SLC26A3: variants seen among roughly 807,000 people sequenced by gnomAD.
The protein encoded by SLC26A3 is solute carrier family 26 member 3, also known as chloride anion exchanger.
In SLC26A3, 64 loss-of-function variants were observed where a neutral mutation model predicts 85.6. The ratio of observed to expected loss-of-function variants is 0.75; its 90% confidence interval spans 0.61 to 0.92. SLC26A3 has a LOEUF of 0.92. Ranked by LOEUF, SLC26A3 falls within the 40% of genes least tolerant of loss-of-function variation. SLC26A3 has a pLI of 0.00. For missense variants in SLC26A3, 922 were observed against 927.3 expected, an observed-to-expected ratio of 0.99 and a Z score of 0.07; for synonymous variants, 349 against 336.0, an observed-to-expected ratio of 1.04 and a Z score of -0.42.
At chr7:107,778,360 C>CAATTTTTTT in intron 12 of SLC26A3, 79 bp from the exon 13 acceptor site, 1 of 461,452 alleles carries the variant, frequency 2.2e-6, no homozygotes, top group Non-Finnish European at 3.7e-6. Context: ...TTTAAAAAGA[C>CAATTTTTTT]TTTTTTTTTT....
intron 11 of SLC26A3, among the ~76,000 whole-genome samples, chr7:107,781,810 C>T (rs756154544): frequency 6.6e-6 from 1 of 152,144 alleles, no homozygotes; most frequent in South Asian, 2.1e-4. Context: ...GCCTAGGTAA[C>T]AGCCAATAGA....
chr7:107,794,334 T>C, intron 2 of SLC26A3, 45 bp downstream of exon 2: 1 of 1,609,484 alleles, frequency 6.2e-7, no homozygotes, highest in Non-Finnish European at 8.5e-7. Context: ...GGGAAAGTGC[T>C]TCAAAAATGT....
At chr7:107,780,020 G>C (rs1245490854) in intron 11 of SLC26A3, among the ~76,000 whole-genome samples, 1 of 151,966 alleles carries the variant, frequency 6.6e-6, no homozygotes, top group Admixed American at 6.6e-5. Context: ...TGATCTGATG[G>C]CGTTTAGTAG....
intron 13 of SLC26A3, among the ~76,000 whole-genome samples, chr7:107,777,624 A>T (rs1312908178): frequency 1.3e-5 from 2 of 152,186 alleles, no homozygotes; most frequent in Non-Finnish European, 2.9e-5. Flanking sequence ...AATAAAAATT[A>T]AAAAGATGCT....
At chr7:107,778,051 C>G (rs370040516) in intron 13 of SLC26A3, 124 bp downstream of exon 13, 2 of 732,202 alleles carry the variant, frequency 2.7e-6, no homozygotes, top group African/African-American at 3.5e-5. Flanking sequence ...ATAAACTGCC[C>G]CATCCTGATA....
rs1375336152 is a variant in SLC26A3, at chr7:107,789,612, G to A, written c.647C>T (p.Ala216Val). The A allele has an allele frequency of 3.7e-6, 6 of 1,613,682 alleles. No homozygotes were observed. Among genetic ancestry groups the A allele is most frequent in the Admixed American group, 1.7e-5 (1 of 59,982 alleles). ...SESLISGFTT[A>V]AAVHVLVSQL... is the part of the protein sequence containing the mutation. ...GGAAACCAAAACATGAACAGCAGCA[G>A]CAGTAGTGAAGCCACTGATGAGGGA... Residue 216 changes from alanine to valine, a missense_variant, in exon 6 of 21, where the codon GCT (alanine) becomes GTT (valine). Physicochemically the swap from Ala to Val is moderately conservative, Grantham distance 64. Transcript: ENST00000340010.
In SLC26A3 at chr7:107,772,097, T is replaced by C. The variant is rs778961592; in HGVS notation, c.2019A>G (p.Glu673=). The change falls in exon 18 of 21, where the codon GAA becomes GAG. Residue 673 remains glutamate (E), a synonymous_variant. Transcript: ENST00000340010. ...ACACATCTACCTTGATCCTGATAAATTCTTGCAAAATCTGTTAAAAAGAAA... is the reference window on the plus strand; with the variant it reads ...ACACATCTACCTTGATCCTGATAAACTCTTGCAAAATCTGTTAAAAAGAAA... ...SVRGLKSILQ[E]FIRIKVDVYI... 8.1e-6 allele frequency: 13 copies of C among 1,609,204 alleles called. No individual in the cohort carries two copies. Among genetic ancestry groups the C allele is most frequent in the Non-Finnish European group, 1.0e-5 (12 of 1,175,626 alleles).
chr7:107,773,773 A>C, intron 17 of SLC26A3, 147 bp downstream of exon 17: 4 of 684,680 alleles, frequency 5.8e-6, no homozygotes, highest in Non-Finnish European at 7.8e-6. Flanking sequence ...CTGGTCTCGA[A>C]GTCCTGACCT....
At position 107,778,282 on chromosome 7, in the gene SLC26A3, CTG is replaced by C. The variant is rs530484848; in HGVS notation, c.1408-3_1408-2del. On this transcript the variant is annotated splice_acceptor_variant and splice_polypyrimidine_tract_variant and intron_variant, in intron 12 of 20. Transcript: ENST00000340010. LOFTEE classifies it high-confidence loss of function. The stretch of plus-strand genomic sequence containing the variant: ...AGATGAAGGTCATGATCCAAATTAA[CTG>C]TGAAAAGAAAGCAACACATACACTA... 9.4e-6 allele frequency: 15 copies of C among 1,598,054 alleles called. No homozygotes were observed. The African/African-American group carries it at 1.5e-4, about 16-fold the overall frequency.
chr7:107,767,557 T>C, intron 20 of SLC26A3, 22 bp downstream of exon 20: 1 of 1,568,862 alleles, frequency 6.4e-7, no homozygotes, highest in Non-Finnish European at 8.8e-7. Context: ...TAGGTGAAGA[T>C]AAACCTGTTG....
intron 6 of SLC26A3, among the ~76,000 whole-genome samples, chr7:107,787,812 A>C (rs1339127977): frequency 6.6e-6 from 1 of 151,536 alleles, no homozygotes; most frequent in Non-Finnish European, 1.5e-5. Flanking sequence ...CATTTTTACC[A>C]CTGGTCTTCT....
intron 18 of SLC26A3, among the ~76,000 whole-genome samples, chr7:107,770,113 T>C (rs1259751195): frequency 6.8e-6 from 1 of 146,436 alleles, no homozygotes; most frequent in African/African-American, 2.5e-5. Context: ...TCTTTCTTCT[T>C]TCTTCTTTCT....
Position 107,776,686 on chromosome 7 carries a change from G to C in SLC26A3, c.1535C>G (p.Ala512Gly). 1 of 1,613,660 alleles carries C rather than the reference G, an allele frequency of 6.2e-7. No individual in the cohort carries two copies. The highest frequency in any genetic ancestry group is 8.5e-7 in the Non-Finnish European group (1 of 1,179,884). The change falls in exon 14 of 21, where the codon GCT (alanine) becomes GGT (glycine). Residue 512 changes from alanine to glycine, a missense_variant. Ala to Gly is a moderately conservative substitution (Grantham distance 60). Transcript: ENST00000340010. ...ATAGATGTTGGTTCTTCCAATATTA[G>C]CCAGCGTGCTGCATTTTGGACTGTA... Reference protein sequence around the residue: ...RTQFPKCSTLANIGRTNIYKN... With the variant: ...RTQFPKCSTLGNIGRTNIYKN...
chr7:107,779,911 C>A, intron 11 of SLC26A3, 148 bp from the exon 12 acceptor site: 1 of 704,902 alleles, frequency 1.4e-6, no homozygotes, highest in Non-Finnish European at 2.5e-6. Flanking sequence ...CGATGCCACG[C>A]AAGACACACC....
chr7:107,784,234 A>G (rs889241468), intron 8 of SLC26A3, among the ~76,000 whole-genome samples: 5 of 152,208 alleles, frequency 3.3e-5, no homozygotes, highest in African/African-American at 4.8e-5. Context: ...GTACTATTAT[A>G]TCTGATGCCA....
Position 107,782,997 on chromosome 7 carries a change from T to C in SLC26A3, c.1216A>G (p.Thr406Ala). The change falls in exon 10 of 21, where the codon ACA becomes GCA. Residue 406 changes from threonine (T) to alanine (A), a missense_variant. By Grantham distance (58) the Thr-to-Ala change is moderately conservative. Transcript: ENST00000340010. ...ALSRSAVQES[T>A]GGKTQIAGLI... ...TGACATACCTGTGTTTTGCCTCCTGTGCTCTCCTGAACTGCTGATCTGGAG... is the reference window on the plus strand; with the variant it reads ...TGACATACCTGTGTTTTGCCTCCTGCGCTCTCCTGAACTGCTGATCTGGAG... 6.2e-7 allele frequency: 1 copy of C among 1,614,108 alleles called. No homozygotes were observed. Among genetic ancestry groups the C allele is most frequent in the Non-Finnish European group, 8.5e-7 (1 of 1,179,944 alleles).
rs765626129 is a variant in SLC26A3, at chr7:107,783,299, T to G, written c.1025A>C (p.Asp342Ala). 6.2e-7 allele frequency: 1 copy of G among 1,614,122 alleles called. No individual in the cohort carries two copies. The highest frequency in any genetic ancestry group is 8.5e-7 in the Non-Finnish European group (1 of 1,180,004). ...DVETFQNTVG[D>A]CFGIAMVAFA... ...TGCAACCATTGCGATGCCGAAGCAA[T>G]CTCCTACGGTGTTTTGGAAAGTCTC... is the stretch of plus-strand genomic sequence containing the variant. The change falls in exon 9 of 21, where the codon GAT (aspartate) becomes GCT (alanine). Residue 342 changes from aspartate (D) to alanine (A), a missense_variant. Asp to Ala is a moderately radical substitution (Grantham distance 126, BLOSUM62 -2). Coordinates refer to ENST00000340010, the MANE Select transcript of SLC26A3 (RefSeq NM_000111.3).
rs766486980 is a variant in SLC26A3 at position 107,774,078 on chromosome 7, C to T, written c.1849G>A (p.Asp617Asn). 3.7e-5 allele frequency: 59 copies of T among 1,613,966 alleles called. No homozygotes were observed. The highest frequency in any genetic ancestry group is 5.0e-5 in the Non-Finnish European group (59 of 1,179,996). ...ELDNNQIEVL[D>N]QPINTTDLPF... ...AGGTCTGTGGTATTGATTGGCTGGTCCAGTACTTCTATCTGATTGTTGTCC... is the reference window on the plus strand; with the variant it reads ...AGGTCTGTGGTATTGATTGGCTGGTTCAGTACTTCTATCTGATTGTTGTCC... Residue 617 changes from aspartate to asparagine, a missense_variant, in exon 17 of 21, where the codon GAC becomes AAC. Transcript: ENST00000340010.
intron 6 of SLC26A3, among the ~76,000 whole-genome samples, chr7:107,789,131 T>TC: frequency 6.6e-6 from 1 of 150,456 alleles, no homozygotes; most frequent in South Asian, 2.1e-4. Flanking sequence ...TTTTTTTTTT[T>TC]TTGAGACAAG....
Sources: allele counts gnomAD v4.1 joint callset (sites outside exome capture counted in the v4.1 genomes callset), GRCh38; gene constraint gnomAD v4.1.1; transcripts MANE v1.5; gene names NCBI Gene and HGNC (gene_info 2026-07-23, HGNC 2026-07-21).